The following PITPNM3 variants were observed in gnomAD, a reference collection of about 807,000 sequenced individuals.
PITPNM3 encodes the protein PITPNM family member 3, also known as membrane-associated phosphatidylinositol transfer protein 3.
Under a neutral mutation model 102.0 loss-of-function variants are expected in PITPNM3, and 26 were observed. The ratio of observed to expected loss-of-function variants is 0.25; its 90% CI spans 0.19 to 0.35. The LOEUF (loss-of-function observed/expected upper bound fraction) is 0.35. Ranked by LOEUF, PITPNM3 falls within the 10% of genes least tolerant of loss-of-function variation. PITPNM3 has a pLI of 1.00. For missense variants in PITPNM3, 1,083 were observed against 1,346.1 expected (o/e 0.80, Z 3.06); for synonymous variants, 578 against 558.6 (o/e 1.03, Z -0.49).
At position 6,468,370 on chromosome 17, in the gene PITPNM3, C is replaced by A; in HGVS notation, c.1774-29G>T. 6.2e-7 allele frequency: 1 copy of A among 1,608,598 alleles called. No individual in the cohort carries two copies. The highest frequency in any genetic ancestry group is 1.1e-5 in the South Asian group (1 of 90,926). On this transcript the variant is annotated intron_variant, in intron 13 of 19. Transcript: ENST00000262483. The surrounding 1 kb of genome is among the most constrained non-coding windows in gnomAD (Gnocchi z 5.2). ...GCCAAGAGCCGAGCAGGGCCCCGGT[C>A]AGGTCTTCTGGCTTCTCTGCTTCCC...
At chr17:6,516,426 T>G (rs541959852) in intron 3 of PITPNM3, among the ~76,000 whole-genome samples, 130 of 150,596 alleles carry the variant, frequency 8.6e-4, no homozygotes, top group African/African-American at 2.8e-3. Context: ...TAGCCAGGCG[T>G]GGTGGCGGGC....
chr17:6,553,749 G>A (rs1867273), intron 1 of PITPNM3, among the ~76,000 whole-genome samples: 62,358 of 151,188 alleles, frequency 0.41, 13,017 homozygotes, highest in Admixed American at 0.49. Flanking sequence ...ACCCCCCGCC[G>A]CCCCACCCCG....
chr17:6,510,166 C>T (rs572459207), intron 3 of PITPNM3, among the ~76,000 whole-genome samples: 11 of 152,286 alleles, frequency 7.2e-5, no homozygotes, highest in South Asian at 2.1e-4. Context: ...GGCTAAATTC[C>T]GCTTAGTCCT....
At chr17:6,497,565 C>G (rs911305884) in intron 4 of PITPNM3, among the ~76,000 whole-genome samples, 1 of 152,162 alleles carries the variant, frequency 6.6e-6, no homozygotes, top group Non-Finnish European at 1.5e-5. Flanking sequence ...ATTGCCAGGT[C>G]TTTTTCTGGG....
chr17:6,479,041 A>T (rs553134583), intron 6 of PITPNM3: 1 of 387,990 alleles, frequency 2.6e-6, no homozygotes, highest in Admixed American at 3.9e-5. Context: ...AGGGCACCCC[A>T]ATCATAGAGG....
intron 4 of PITPNM3, among the ~76,000 whole-genome samples, chr17:6,498,778 A>AT (rs759087489): frequency 3.9e-5 from 6 of 152,168 alleles, no homozygotes; most frequent in Non-Finnish European, 4.4e-5. Flanking sequence ...GGATGGTGCC[A>AT]TTCACACTGG....
chr17:6,474,292 C>G (rs1905194852), intron 10 of PITPNM3, 140 bp downstream of exon 10: 2 of 1,217,538 alleles, frequency 1.6e-6, no homozygotes, highest in South Asian at 2.6e-5. Context: ...TCCCCACCCT[C>G]TCTCCTCTCT....
Position 6,485,658 on chromosome 17 carries a change from G to A in PITPNM3, c.275-1366C>T, listed in dbSNP as rs149562921. On this transcript the variant is annotated intron_variant, in intron 4 of 19. Coordinates refer to ENST00000262483, the MANE Select transcript of PITPNM3 (RefSeq NM_031220.4). Reference sequence around the variant, plus strand: ...AAGGTCGGCATTTGAAACATTACTGGCATTGCCCATGAGCTTTAGGGTAAA... The same window carrying A: ...AAGGTCGGCATTTGAAACATTACTGACATTGCCCATGAGCTTTAGGGTAAA... Among the ~76,000 whole-genome samples the A allele has an allele frequency of 1.3e-3, 205 of 152,322 alleles. 1 individual carries two copies. The highest frequency in any genetic ancestry group is 4.6e-3 in the African/African-American group (191 of 41,584).
At chr17:6,506,207 T>C (rs984454922) in intron 3 of PITPNM3, among the ~76,000 whole-genome samples, 4 of 151,790 alleles carry the variant, frequency 2.6e-5, no homozygotes, top group African/African-American at 9.7e-5. Flanking sequence ...GAAGGCCTCA[T>C]GCAAAAAGGA....
At chr17:6,499,303 G>A (rs1230464057) in intron 4 of PITPNM3, among the ~76,000 whole-genome samples, 3 of 152,192 alleles carry the variant, frequency 2.0e-5, no homozygotes, top group Non-Finnish European at 2.9e-5. Context: ...ACCCCTCCCC[G>A]CATAGCCACT....
intron 3 of PITPNM3, among the ~76,000 whole-genome samples, chr17:6,519,918 G>A (rs1184425720): frequency 6.6e-6 from 1 of 152,010 alleles, no homozygotes; most frequent in African/African-American, 2.4e-5. Flanking sequence ...CAAACTATTA[G>A]AACCAACAGG....
chr17:6,515,117 C>T (rs149652544), intron 3 of PITPNM3, among the ~76,000 whole-genome samples: 145 of 152,056 alleles, frequency 9.5e-4, no homozygotes, highest in African/African-American at 3.2e-3. Flanking sequence ...GTTCTTGGGC[C>T]GGGCATGGTG....
At chr17:6,553,025 G>A (rs927636401) in intron 1 of PITPNM3, among the ~76,000 whole-genome samples, 4 of 149,884 alleles carry the variant, frequency 2.7e-5, no homozygotes, top group African/African-American at 4.9e-5. Flanking sequence ...CCGCCTCGGC[G>A]TCCCAAAGTG....
Position 6,537,934 on chromosome 17 carries a change from G to T in PITPNM3, c.118+53C>A. The T allele has an allele frequency of 6.8e-7, 1 of 1,476,004 alleles. No individual in the cohort carries two copies. The highest frequency in any genetic ancestry group is 1.2e-5 in the South Asian group (1 of 86,700). The allele number at this position is 1,476,004 out of a possible 1,614,324, so 91.4% of individuals were successfully genotyped here. A position where few individuals can be genotyped will look rare whatever the true frequency, so the allele number is the denominator to read the frequency against. ...GACCCCCAAATGGGATCTTCTTCTT[G>T]AGGCTTCTAGGAAGGTCACCCAGCC... On this transcript the variant is annotated intron_variant, in intron 2 of 19. Transcript: ENST00000262483. This position sits in a 1 kb window ranked among gnomAD's most constrained non-coding sequence, Gnocchi z 4.4.
At chr17:6,476,888 C>T (rs981134793) in intron 9 of PITPNM3, 141 bp downstream of exon 9, 8 of 1,020,046 alleles carry the variant, frequency 7.8e-6, no homozygotes, top group South Asian at 6.4e-5. Flanking sequence ...AGTACAGGGC[C>T]GATGGCGAGT....
At chr17:6,526,646 T>C (rs1292055371) in intron 2 of PITPNM3, among the ~76,000 whole-genome samples, 1 of 152,250 alleles carries the variant, frequency 6.6e-6, no homozygotes, top group Non-Finnish European at 1.5e-5. Flanking sequence ...ATGTATCTAT[T>C]TGATTGACTT....
rs114803230 is a variant in PITPNM3 at position 6,537,937 on chromosome 17, G to C, written c.118+50C>G. ...CCCCAAATGGGATCTTCTTCTTGAG[G>C]CTTCTAGGAAGGTCACCCAGCCAGT... is the stretch of plus-strand genomic sequence containing the variant. On this transcript the variant is annotated intron_variant, in intron 2 of 19. Coordinates refer to ENST00000262483, the MANE Select transcript of PITPNM3 (RefSeq NM_031220.4). This position sits in a 1 kb window ranked among gnomAD's most constrained non-coding sequence, Gnocchi z 4.4. 1,070 of 1,490,510 alleles carry C rather than the reference G, an allele frequency of 7.2e-4. 9 individuals carry two copies. The African/African-American group carries it at 0.013, about 19-fold the overall frequency. 92.3% of individuals were successfully genotyped at this position (1,490,510 alleles called of 1,614,324 possible).
chr17:6,456,652 C>T (rs1161517388), intron 19 of PITPNM3, among the ~76,000 whole-genome samples: 1 of 152,136 alleles, frequency 6.6e-6, no homozygotes, highest in Non-Finnish European at 1.5e-5. Flanking sequence ...CCTCTGAGTT[C>T]CCAACTGGGA....
chr17:6,456,405 G>T (rs1400842986), intron 19 of PITPNM3, among the ~76,000 whole-genome samples: 3 of 152,060 alleles, frequency 2.0e-5, no homozygotes, highest in Admixed American at 6.5e-5. Flanking sequence ...GCCTCACCAT[G>T]CCTCTTGTCA....
Sources: allele counts gnomAD v4.1 joint callset (sites outside exome capture counted in the v4.1 genomes callset), GRCh38; gene constraint gnomAD v4.1.1; non-coding constraint Gnocchi (gnomAD v3.1); transcripts MANE v1.5; gene names NCBI Gene and HGNC (gene_info 2026-07-23, HGNC 2026-07-21).